The following NELL1 variants were observed in gnomAD, a reference collection of about 807,000 sequenced individuals.
NELL1 encodes the protein neural EGFL like 1.
A neutral mutation model predicts 107.4 loss-of-function variants in NELL1; 76 were observed. That is an observed-to-expected ratio of 0.71 (90% CI 0.59 to 0.86). The LOEUF (loss-of-function observed/expected upper bound fraction) is 0.86. Among genes scored for constraint, NELL1 ranks in the 40% least tolerant of loss-of-function variants. The pLI is 0.00. For synonymous variants in NELL1, 353 were observed against 341.2 expected (o/e 1.03, Z -0.38); for missense variants, 1,024 against 1,005.5 (o/e 1.02, Z -0.25).
intron 3 of NELL1, among the ~76,000 whole-genome samples, chr11:20,816,999 A>G (rs1005296165): frequency 2.6e-5 from 4 of 152,216 alleles, no homozygotes; most frequent in African/African-American, 9.6e-5. Flanking sequence ...TCACTTGATC[A>G]TGAAGAATCA....
At chr11:20,805,251 A>G (rs327048) in intron 3 of NELL1, among the ~76,000 whole-genome samples, 2 of 152,126 alleles carry the variant, frequency 1.3e-5, no homozygotes, top group Non-Finnish European at 2.9e-5. Flanking sequence ...ACTCAGCCAG[A>G]CACTTCATGT....
intron 4 of NELL1, among the ~76,000 whole-genome samples, chr11:20,859,999 AC>A (rs2134072275): frequency 6.6e-6 from 1 of 152,350 alleles, no homozygotes; most frequent in South Asian, 2.1e-4. Flanking sequence ...AATATAGCTT[AC>A]AAAAATTGTG....
intron 2 of NELL1, among the ~76,000 whole-genome samples, chr11:20,680,231 C>G (rs1364276552): frequency 3.9e-5 from 6 of 152,038 alleles, no homozygotes; most frequent in African/African-American, 1.4e-4. Flanking sequence ...CAATTAGCAC[C>G]TGGACATTTT....
At chr11:20,703,314 G>T (rs1050615186) in intron 2 of NELL1, among the ~76,000 whole-genome samples, 1 of 152,082 alleles carries the variant, frequency 6.6e-6, no homozygotes, top group Non-Finnish European at 1.5e-5. Context: ...TTCTCTGATG[G>T]TAGTTTGTAT....
intron 5 of NELL1, 147 bp downstream of exon 5, chr11:20,885,687 A>T: frequency 1.7e-6 from 1 of 603,482 alleles, no homozygotes; most frequent in Non-Finnish European, 3.0e-6. Flanking sequence ...TTACTTTGTG[A>T]CACATGCTTT....
At chr11:21,352,332 T>C (rs911895200) in intron 14 of NELL1, among the ~76,000 whole-genome samples, 9 of 152,194 alleles carry the variant, frequency 5.9e-5, no homozygotes, top group African/African-American at 2.2e-4. Flanking sequence ...CCAGGAACAT[T>C]ATCTGTTTTG....
intron 15 of NELL1, among the ~76,000 whole-genome samples, chr11:21,481,899 T>G (rs991850616): frequency 6.6e-6 from 1 of 152,132 alleles, no homozygotes; most frequent in African/African-American, 2.4e-5. Context: ...GTTATCTTGA[T>G]TGGAGGCAAA....
chr11:21,569,333 C>T (rs1487028084), intron 17 of NELL1, among the ~76,000 whole-genome samples: 3 of 151,858 alleles, frequency 2.0e-5, no homozygotes, highest in Admixed American at 2.0e-4. Context: ...TCTCAGCTAC[C>T]TCATTTGAGA....
Position 21,466,925 on chromosome 11 carries a change from C to T in NELL1, c.1646-67449C>T, listed in dbSNP as rs1854047403. Among the ~76,000 whole-genome samples the T allele has an allele frequency of 3.3e-5, 5 of 151,904 alleles. No individual in the cohort carries two copies. The South Asian group carries it at 1.0e-3, about 32-fold the overall frequency. Reference sequence around the variant, plus strand: ...TGACGGATATGAATATCTCCCCAGACATTCATGTCAGTGAAAAAGAAATTT... The same window carrying T: ...TGACGGATATGAATATCTCCCCAGATATTCATGTCAGTGAAAAAGAAATTT... On this transcript the variant is annotated intron_variant, in intron 15 of 19. Transcript: ENST00000357134.
At chr11:20,987,665 C>T (rs1336698993) in intron 12 of NELL1, among the ~76,000 whole-genome samples, 1 of 152,118 alleles carries the variant, frequency 6.6e-6, no homozygotes, top group East Asian at 1.9e-4. Flanking sequence ...TCCCAGAATA[C>T]CTGGAAATTA....
chr11:21,262,354 T>C (rs1848551093), intron 14 of NELL1, among the ~76,000 whole-genome samples: 1 of 151,808 alleles, frequency 6.6e-6, no homozygotes, highest in Non-Finnish European at 1.5e-5. Context: ...TGCTTACTTT[T>C]CTTAGTTGAC....
chr11:21,111,392 A>G (rs1360536616), intron 12 of NELL1, among the ~76,000 whole-genome samples: 1 of 152,008 alleles, frequency 6.6e-6, no homozygotes, highest in African/African-American at 2.4e-5. Flanking sequence ...TTCATTCTCT[A>G]CCTGATGAAT....
chr11:21,084,114 A>G (rs1854333049), intron 12 of NELL1, among the ~76,000 whole-genome samples: 1 of 152,138 alleles, frequency 6.6e-6, no homozygotes, highest in Non-Finnish European at 1.5e-5. Flanking sequence ...TTTCAGGCAG[A>G]TGACATTGAA....
At chr11:20,994,959 A>T (rs1015321498) in intron 12 of NELL1, among the ~76,000 whole-genome samples, 1 of 152,074 alleles carries the variant, frequency 6.6e-6, no homozygotes, top group African/African-American at 2.4e-5. Context: ...GATTTTAGCC[A>T]TTTTCATATT....
At chr11:21,133,583 G>A (rs1349579130) in intron 13 of NELL1, among the ~76,000 whole-genome samples, 1 of 152,166 alleles carries the variant, frequency 6.6e-6, no homozygotes, top group East Asian at 1.9e-4. Context: ...GGGCCCCAAG[G>A]TAGCATGGGA....
chr11:21,301,223 A>G (rs1361242283), intron 14 of NELL1, among the ~76,000 whole-genome samples: 1 of 152,176 alleles, frequency 6.6e-6, no homozygotes. Context: ...ATGTGTCTTT[A>G]TAGCAGCATG....
chr11:20,711,258 T>C (rs759894703), intron 2 of NELL1, among the ~76,000 whole-genome samples: 4 of 152,166 alleles, frequency 2.6e-5, no homozygotes, highest in African/African-American at 4.8e-5. Context: ...CCTTTACCTT[T>C]AGTTAGTGTG....
At chr11:20,871,681 G>A (rs1344904391) in intron 4 of NELL1, among the ~76,000 whole-genome samples, 1 of 151,826 alleles carries the variant, frequency 6.6e-6, no homozygotes, top group African/African-American at 2.4e-5. Flanking sequence ...TCCTGCAGAG[G>A]AAAATCCCCT....
intron 12 of NELL1, among the ~76,000 whole-genome samples, chr11:21,027,539 T>C (rs958072761): frequency 4.6e-5 from 7 of 151,798 alleles, no homozygotes; most frequent in African/African-American, 1.7e-4. Flanking sequence ...TAGGCCATAG[T>C]TGACACTGAT....
Sources: allele counts gnomAD v4.1 joint callset (sites outside exome capture counted in the v4.1 genomes callset), GRCh38; gene constraint gnomAD v4.1.1; transcripts MANE v1.5; gene names NCBI Gene and HGNC (gene_info 2026-07-23, HGNC 2026-07-21).